RIMS1: variants seen among roughly 807,000 people sequenced by gnomAD.
The protein encoded by RIMS1 is regulating synaptic membrane exocytosis 1, also known as regulating synaptic membrane exocytosis protein 1.
A neutral mutation model predicts 214.1 loss-of-function variants in RIMS1; 83 were observed. That is an observed-to-expected ratio of 0.39 (90% CI 0.32 to 0.47). The LOEUF is 0.47. RIMS1 is among the 20% of genes least tolerant of loss of function. The probability of loss-of-function intolerance (pLI) is 0.99; values close to 1 mark genes in which losing one functional copy is unlikely to be tolerated. For synonymous variants in RIMS1, 793 were observed against 786.8 expected, an observed-to-expected ratio of 1.01 and a Z score of -0.13; for missense variants, 2,050 against 2,161.8, an observed-to-expected ratio of 0.95 and a Z score of 1.03.
chr6:71,969,938 C>T (rs1795437407), intron 2 of RIMS1, among the ~76,000 whole-genome samples: 1 of 152,246 alleles, frequency 6.6e-6, no homozygotes, highest in Non-Finnish European at 1.5e-5. Flanking sequence ...ACATTTGAAA[C>T]TCAGAGTTGA....
intron 4 of RIMS1, among the ~76,000 whole-genome samples, chr6:72,112,449 A>G (rs2036289023): frequency 6.6e-6 from 1 of 152,094 alleles, no homozygotes; most frequent in African/African-American, 2.4e-5. Flanking sequence ...GTGAAAGCAA[A>G]GACCCCTACA....
chr6:72,329,140 G>A (rs2096577956), intron 28 of RIMS1, among the ~76,000 whole-genome samples: 2 of 151,870 alleles, frequency 1.3e-5, no homozygotes, highest in African/African-American at 4.8e-5. Context: ...GCCAGGAAAA[G>A]GCATCCTTGG....
rs1175137550 is a variant in RIMS1, at chr6:72,062,336, TG to T, written c.246-34611del. On this transcript the variant is annotated intron_variant, in intron 2 of 33. Transcript: ENST00000521978. Reference sequence around the variant, plus strand: ...ATGTGCACAAACTACTTGGATCCTATGGCTTTTTTTATACCACTTTCTCCCT... The same window carrying T: ...ATGTGCACAAACTACTTGGATCCTATGCTTTTTTTATACCACTTTCTCCCT... Among the ~76,000 whole-genome samples the T allele has an allele frequency of 5.9e-5, 9 of 152,146 alleles. No individual in the cohort carries two copies. In the East Asian group the frequency reaches 1.7e-3, roughly 29 times the overall value.
chr6:72,303,343 T>G (rs2094828121), intron 26 of RIMS1, among the ~76,000 whole-genome samples: 1 of 150,772 alleles, frequency 6.6e-6, no homozygotes, highest in Non-Finnish European at 1.5e-5. Flanking sequence ...ACAAACAAGA[T>G]TATAAAATGA....
intron 22 of RIMS1, among the ~76,000 whole-genome samples, chr6:72,267,552 C>T (rs1241804329): frequency 1.3e-5 from 2 of 151,984 alleles, no homozygotes; most frequent in Non-Finnish European, 2.9e-5. Flanking sequence ...AGATATTTTG[C>T]ACTCCCTTTT....
intron 19 of RIMS1, 89 bp downstream of exon 19, chr6:72,260,856 T>G: frequency 6.4e-7 from 1 of 1,555,326 alleles, no homozygotes; most frequent in Non-Finnish European, 8.7e-7. Flanking sequence ...GTGGTATTAT[T>G]ACAAGCAAGT....
chr6:72,190,639 A>T (rs1208911519), intron 6 of RIMS1, among the ~76,000 whole-genome samples: 1 of 152,068 alleles, frequency 6.6e-6, no homozygotes, highest in East Asian at 1.9e-4. Flanking sequence ...ATGAGACCAT[A>T]GGTGCATGCT....
intron 4 of RIMS1, among the ~76,000 whole-genome samples, chr6:72,126,911 A>G (rs1172996003): frequency 3.9e-5 from 6 of 152,186 alleles, no homozygotes; most frequent in South Asian, 2.1e-4. Context: ...CATATGATTC[A>G]GCAATCCCAC....
intron 4 of RIMS1, among the ~76,000 whole-genome samples, chr6:72,100,643 A>G (rs949399195): frequency 6.6e-6 from 1 of 151,944 alleles, no homozygotes; most frequent in African/African-American, 2.4e-5. Context: ...ATACACCTTC[A>G]TTTGGTGTAA....
In RIMS1 at chr6:72,250,326, C is replaced by A; in HGVS notation, c.2242-4C>A. The A allele has an allele frequency of 6.2e-7, 1 of 1,600,404 alleles. No individual in the cohort carries two copies. Among genetic ancestry groups the A allele is most frequent in the Non-Finnish European group, 8.5e-7 (1 of 1,174,912 alleles). ...CAAATAATTCCTTTCCTCATTGCTC[C>A]TAGGTGAAGTTGTGGTATGATAAAG... On this transcript the variant is annotated splice_polypyrimidine_tract_variant and splice_region_variant and intron_variant, in intron 12 of 33. Transcript: ENST00000521978.
rs2048526331 is a variant in RIMS1, at chr6:72,182,501, A to C, written c.1030A>C (p.Lys344Gln). The change falls in exon 6 of 34, where the codon AAG (lysine) becomes CAG (glutamine). Residue 344 changes from lysine (K) to glutamine (Q), a missense_variant. Physicochemically the swap from Lys to Gln is moderately conservative, Grantham distance 53. This residue lies in a region of RIMS1 where 882 missense variants were observed against 828.9 expected (regional missense o/e 1.06). Transcript: ENST00000521978. ...TGAGGGCAAAGCGGCGGATGAGGAA[A>C]AGCAAAGAAAAGAGGAGGATTATCA... ...RDEGKAADEEKQRKEEDYQTR... is the reference protein window; with the variant it reads ...RDEGKAADEEQQRKEEDYQTR... The C allele has an allele frequency of 6.2e-7, 1 of 1,600,180 alleles. No homozygotes were observed. The highest frequency in any genetic ancestry group is 1.1e-5 in the South Asian group (1 of 89,266).
At chr6:72,015,815 A>G (rs1248141931) in intron 2 of RIMS1, among the ~76,000 whole-genome samples, 3 of 152,066 alleles carry the variant, frequency 2.0e-5, no homozygotes, top group African/African-American at 7.2e-5. Context: ...AGTCCCAGCT[A>G]CTTGGGAGGC....
Position 72,258,297 on chromosome 6 carries a change from G to A in RIMS1, c.2927+16G>A. The A allele has an allele frequency of 6.2e-7, 1 of 1,610,860 alleles. No individual in the cohort carries two copies. The highest frequency in any genetic ancestry group is 1.1e-5 in the South Asian group (1 of 90,832). On this transcript the variant is annotated intron_variant, in intron 17 of 33. Coordinates refer to ENST00000521978, the MANE Select transcript of RIMS1 (RefSeq NM_014989.7). ...CATTACAGAGGTAGGCTTTGAAATG[G>A]GCTCAGTGTCCCTGACAGTACATTT... is the stretch of plus-strand genomic sequence containing the variant.
intron 26 of RIMS1, among the ~76,000 whole-genome samples, chr6:72,296,139 C>T (rs1408384516): frequency 6.6e-6 from 1 of 151,610 alleles, no homozygotes; most frequent in African/African-American, 2.4e-5. Flanking sequence ...TCTATGTTCA[C>T]ATCAAAGAAG....
intron 7 of RIMS1, among the ~76,000 whole-genome samples, chr6:72,234,862 G>T (rs915562106): frequency 6.6e-6 from 1 of 151,970 alleles, no homozygotes; most frequent in Non-Finnish European, 1.5e-5. Context: ...TTAGCAATAT[G>T]CATTTAAGGT....
chr6:71,926,039 C>T (rs916692211), intron 1 of RIMS1, among the ~76,000 whole-genome samples: 14 of 152,144 alleles, frequency 9.2e-5, no homozygotes, highest in Admixed American at 3.3e-4. Context: ...CCATTTCAAC[C>T]GTTACTCTCA....
At chr6:72,314,898 C>T (rs1442101676) in intron 28 of RIMS1, among the ~76,000 whole-genome samples, 1 of 151,986 alleles carries the variant, frequency 6.6e-6, no homozygotes, top group Non-Finnish European at 1.5e-5. Context: ...ACTGTAGAGC[C>T]AAGTACCTTG....
At chr6:72,392,344 C>T (rs950766017) in intron 30 of RIMS1, among the ~76,000 whole-genome samples, 1 of 152,028 alleles carries the variant, frequency 6.6e-6, no homozygotes, top group African/African-American at 2.4e-5. Flanking sequence ...TGAATGTTAC[C>T]TAATGTTCAT....
At chr6:72,150,462 A>G (rs2043390291) in intron 4 of RIMS1, among the ~76,000 whole-genome samples, 1 of 152,158 alleles carries the variant, frequency 6.6e-6, no homozygotes. Flanking sequence ...TCCTGCCACT[A>G]TTATCAGGAC....
Sources: gnomAD v4.1 joint callset for allele counts (sites outside exome capture counted in the v4.1 genomes callset) on GRCh38, gnomAD v4.1.1 for gene constraint, gnomAD v4.1.1 regional missense constraint, MANE v1.5 for transcripts, NCBI Gene and HGNC (gene_info 2026-07-23, HGNC 2026-07-21) for gene names.